FAM110B: variants seen among roughly 807,000 people sequenced by gnomAD.
The protein encoded by FAM110B is family with sequence similarity 110 member B, also known as protein FAM110B.
Under a neutral mutation model 20.4 loss-of-function variants are expected in FAM110B, and 6 were observed. That is an observed-to-expected ratio of 0.29 (90% CI 0.16 to 0.58). The LOEUF is 0.58. FAM110B is among the 20% of genes least tolerant of loss of function. FAM110B has a pLI of 0.90. For missense variants in FAM110B, 434 were observed against 498.2 expected, an observed-to-expected ratio of 0.87 and a Z score of 1.23; for synonymous variants, 226 against 214.1, an observed-to-expected ratio of 1.06 and a Z score of -0.49.
intron 3 of FAM110B, among the ~76,000 whole-genome samples, chr8:58,122,083 CCTT>C (rs1488081610): frequency 6.6e-6 from 1 of 152,132 alleles, no homozygotes; most frequent in African/African-American, 2.4e-5. Context: ...TTTATTCTAT[CCTT>C]CTGCTTGAAG....
chr8:58,103,232 T>G (rs1415809899), intron 3 of FAM110B, among the ~76,000 whole-genome samples: 1 of 152,020 alleles, frequency 6.6e-6, no homozygotes, highest in Admixed American at 6.6e-5. Context: ...GCAGGTTAGT[T>G]ACATATGTAT....
chr8:58,079,047 A>G (rs1336036175), intron 3 of FAM110B, among the ~76,000 whole-genome samples: 1 of 152,036 alleles, frequency 6.6e-6, no homozygotes, highest in African/African-American at 2.4e-5. Context: ...TACCTTGTCA[A>G]TGACTCATCA....
chr8:58,029,368 C>G (rs906057024), intron 1 of FAM110B, among the ~76,000 whole-genome samples: 1 of 152,026 alleles, frequency 6.6e-6, no homozygotes, highest in Admixed American at 6.5e-5. Context: ...GTTAGACAAC[C>G]TAAGAATATC....
intron 1 of FAM110B, among the ~76,000 whole-genome samples, chr8:58,026,740 A>C (rs1300634066): frequency 6.6e-6 from 1 of 152,200 alleles, no homozygotes; most frequent in Non-Finnish European, 1.5e-5. Flanking sequence ...CATTGTATGA[A>C]GAGGTAAAGG....
chr8:58,029,105 C>G (rs1035307242), intron 1 of FAM110B, among the ~76,000 whole-genome samples: 3 of 152,172 alleles, frequency 2.0e-5, no homozygotes, highest in African/African-American at 7.2e-5. Context: ...ACCTGGGTGA[C>G]CCAAGTGCTC....
At chr8:58,090,590 A>G (rs1309758832) in intron 3 of FAM110B, among the ~76,000 whole-genome samples, 1 of 152,220 alleles carries the variant, frequency 6.6e-6, no homozygotes, top group Non-Finnish European at 1.5e-5. Flanking sequence ...GCTATTTGTT[A>G]AAGTTTTAGG....
At chr8:57,999,518 ATTT>A (rs59392806) in intron 1 of FAM110B, among the ~76,000 whole-genome samples, 7 of 149,554 alleles carry the variant, frequency 4.7e-5, no homozygotes, top group African/African-American at 1.5e-4. Flanking sequence ...CTCGCCAGTG[ATTT>A]TTTTTTTGTC....
At chr8:57,997,982 CT>C (rs1804218257) in intron 1 of FAM110B, among the ~76,000 whole-genome samples, 1 of 152,212 alleles carries the variant, frequency 6.6e-6, no homozygotes, top group Non-Finnish European at 1.5e-5. Flanking sequence ...ATGAATCTTT[CT>C]GTCATGCCAG....
rs113747108 is a variant in FAM110B at position 58,037,479 on chromosome 8, A to T, written c.-414+5776A>T. Among the ~76,000 whole-genome samples, 431 of 151,982 alleles carry T rather than the reference A, an allele frequency of 2.8e-3. 3 individuals carry two copies. Among genetic ancestry groups the T allele is most frequent in the African/African-American group, 1.0e-2 (414 of 41,406 alleles). On this transcript the variant is annotated intron_variant, in intron 2 of 3. Transcript: ENST00000519262. ...GTGAGACTCAGTCTCCACAAAAAAA[A>T]AAATTAAAAATTATCCTAGTGTGTG...
chr8:58,056,767 G>A (rs779626292), intron 2 of FAM110B, among the ~76,000 whole-genome samples: 2 of 152,092 alleles, frequency 1.3e-5, no homozygotes, highest in South Asian at 4.2e-4. Context: ...TTTTTTGTAG[G>A]CTTTTGGTTG....
intron 1 of FAM110B, among the ~76,000 whole-genome samples, chr8:58,001,029 C>A (rs902311483): frequency 1.3e-5 from 2 of 152,242 alleles, no homozygotes; most frequent in African/African-American, 4.8e-5. Flanking sequence ...TGGCTTTGTT[C>A]CAACCTGCAA....
intron 2 of FAM110B, among the ~76,000 whole-genome samples, chr8:58,046,760 T>C (rs916493783): frequency 3.3e-5 from 5 of 152,220 alleles, no homozygotes; most frequent in South Asian, 2.1e-4. Context: ...GAAGAGTCAT[T>C]GATGCCAAGT....
chr8:58,119,437 A>T (rs1209857111), intron 3 of FAM110B, among the ~76,000 whole-genome samples: 1 of 152,158 alleles, frequency 6.6e-6, no homozygotes, highest in East Asian at 1.9e-4. Flanking sequence ...CCTATTCATG[A>T]GACTGATGCC....
At chr8:58,050,046 C>T (rs1478494541) in intron 2 of FAM110B, among the ~76,000 whole-genome samples, 1 of 152,000 alleles carries the variant, frequency 6.6e-6, no homozygotes, top group Non-Finnish European at 1.5e-5. Context: ...AATAAAATAT[C>T]ATGGAAGGGC....
At chr8:58,112,327 T>C (rs901520863) in intron 3 of FAM110B, among the ~76,000 whole-genome samples, 9 of 152,198 alleles carry the variant, frequency 5.9e-5, no homozygotes, top group African/African-American at 2.2e-4. Context: ...AGACTCCGTT[T>C]CTTAAAAATA....
chr8:58,093,582 C>G (rs897469221), intron 3 of FAM110B, among the ~76,000 whole-genome samples: 3 of 152,030 alleles, frequency 2.0e-5, no homozygotes, highest in Admixed American at 2.0e-4. Context: ...ATTTCTGAGG[C>G]CTGTGTTCTG....
intron 2 of FAM110B, among the ~76,000 whole-genome samples, chr8:58,073,088 A>G (rs929180392): frequency 2.0e-5 from 3 of 152,214 alleles, no homozygotes; most frequent in Admixed American, 1.3e-4. Context: ...GTAAAGAGAT[A>G]TTAGGCCTCT....
chr8:58,069,868 G>A (rs1805850682), intron 2 of FAM110B, among the ~76,000 whole-genome samples: 1 of 152,134 alleles, frequency 6.6e-6, no homozygotes, highest in Non-Finnish European at 1.5e-5. Context: ...GCTATACATT[G>A]ATTTAACCAC....
intron 3 of FAM110B, among the ~76,000 whole-genome samples, chr8:58,138,716 C>A (rs958691392): frequency 6.6e-6 from 1 of 152,214 alleles, no homozygotes; most frequent in Non-Finnish European, 1.5e-5. Context: ...AGTCCACTCC[C>A]TCCTGACTTG....
Sources: allele counts gnomAD v4.1 joint callset (sites outside exome capture counted in the v4.1 genomes callset), GRCh38; gene constraint gnomAD v4.1.1; transcripts MANE v1.5; gene names NCBI Gene and HGNC (gene_info 2026-07-23, HGNC 2026-07-21).